MTSS1: variants seen among roughly 807,000 people sequenced by gnomAD.
The protein encoded by MTSS1 is protein MTSS 1.
MTSS1 carries 18 observed loss-of-function variants against 79.0 expected under a neutral mutation model. The ratio of observed to expected loss-of-function variants is 0.23; its 90% CI spans 0.16 to 0.34. The LOEUF is 0.34. Ranked by LOEUF, MTSS1 falls within the 10% of genes least tolerant of loss-of-function variation. The pLI is 1.00. For missense variants in MTSS1, 815 were observed against 986.2 expected (o/e 0.83, Z 2.33); for synonymous variants, 341 against 368.6 (o/e 0.93, Z 0.86).
intron 6 of MTSS1, among the ~76,000 whole-genome samples, chr8:124,568,999 A>G (rs1827174928): frequency 6.6e-6 from 1 of 152,208 alleles, no homozygotes; most frequent in Non-Finnish European, 1.5e-5. Context: ...GTCTGGATAG[A>G]AGGATCTGCT....
rs1056972893 is a variant in MTSS1 at position 124,665,697 on chromosome 8, G to A, written c.208+33829C>T. ...ATCCTGACCAACATGGAGAAACCCC[G>A]TCTCTACTAAAAATACAAAATTAGC... On this transcript the variant is annotated intron_variant, in intron 3 of 13. Transcript: ENST00000518547. Among the ~76,000 whole-genome samples the A allele has an allele frequency of 3.3e-5, 5 of 152,160 alleles. No individual in the cohort carries two copies. In the East Asian group the frequency reaches 5.8e-4, roughly 18 times the overall value.
chr8:124,639,116 CACTAGAGGT>C (rs1202591989), intron 3 of MTSS1, among the ~76,000 whole-genome samples: 1 of 152,192 alleles, frequency 6.6e-6, no homozygotes, highest in Non-Finnish European at 1.5e-5. Flanking sequence ...GCAGGCGGAT[CACTAGAGGT>C]CAGGAGTTCC....
At chr8:124,567,516 T>G in intron 7 of MTSS1, 1 of 977,896 alleles carries the variant, frequency 1.0e-6, no homozygotes, top group Non-Finnish European at 1.4e-6. Flanking sequence ...CTTCATACTG[T>G]GGCCCTTTTC....
At chr8:124,688,281 A>G (rs1003945636) in intron 3 of MTSS1, among the ~76,000 whole-genome samples, 6 of 151,148 alleles carry the variant, frequency 4.0e-5, no homozygotes, top group African/African-American at 1.5e-4. Flanking sequence ...GTGTGTATAT[A>G]TGTGTGTACG....
intron 8 of MTSS1, 24 bp downstream of exon 8, chr8:124,567,047 A>T (rs376083395): frequency 9.0e-6 from 14 of 1,559,282 alleles, no homozygotes; most frequent in Non-Finnish European, 1.2e-5. Context: ...TTGATCCTGT[A>T]AGTGCTTAAC....
At chr8:124,632,391 A>G (rs972579410) in intron 3 of MTSS1, among the ~76,000 whole-genome samples, 1 of 151,068 alleles carries the variant, frequency 6.6e-6, no homozygotes, top group Admixed American at 6.6e-5. Context: ...GCTCACACCT[A>G]TAATTCCAGT....
At chr8:124,691,731 GT>G (rs1443084767) in intron 3 of MTSS1, among the ~76,000 whole-genome samples, 1 of 152,144 alleles carries the variant, frequency 6.6e-6, no homozygotes. Context: ...GGCCAGGCTG[GT>G]CTCGAACTGC....
intron 3 of MTSS1, among the ~76,000 whole-genome samples, chr8:124,650,539 G>T (rs561906555): frequency 1.3e-5 from 2 of 152,202 alleles, no homozygotes; most frequent in African/African-American, 4.8e-5. Context: ...CCTTCTCTCC[G>T]ATCCTTCCAT....
intron 1 of MTSS1, among the ~76,000 whole-genome samples, chr8:124,716,877 G>A (rs1002447519): frequency 6.6e-5 from 10 of 151,914 alleles, no homozygotes; most frequent in African/African-American, 2.4e-4. Context: ...TGGGTAATGG[G>A]TTTCAAAAGC....
intron 3 of MTSS1, among the ~76,000 whole-genome samples, chr8:124,668,158 G>A (rs947943430): frequency 2.6e-5 from 4 of 152,272 alleles, no homozygotes; most frequent in African/African-American, 4.8e-5. Context: ...CAACAGGCCC[G>A]GCCAGCAACT....
At chr8:124,704,301 T>C in intron 1 of MTSS1, 110 bp from the exon 2 acceptor site, 1 of 967,990 alleles carries the variant, frequency 1.0e-6, no homozygotes, top group South Asian at 1.3e-5. Flanking sequence ...GTATGTTCTC[T>C]TCCTTTGCAG....
rs563278888 is a variant in MTSS1, at chr8:124,606,095, C to G, written c.209-14860G>C. Among the ~76,000 whole-genome samples the G allele has an allele frequency of 2.0e-5, 3 of 151,204 alleles. No individual in the cohort carries two copies. The South Asian group carries it at 6.3e-4, about 32-fold the overall frequency. ...GGTTCAAGAGATTCTTGTGCCTCAG[C>G]CTCCCAAGTAGCTGGGACTACAGGC... On this transcript the variant is annotated intron_variant, in intron 3 of 13. Coordinates refer to ENST00000518547, the MANE Select transcript of MTSS1 (RefSeq NM_014751.6).
Position 124,555,949 on chromosome 8 carries a change from G to T in MTSS1, c.1405-45C>A, listed in dbSNP as rs201460545. On this transcript the variant is annotated intron_variant, in intron 12 of 13. Coordinates refer to ENST00000518547, the MANE Select transcript of MTSS1 (RefSeq NM_014751.6). ...AATACACAGGTTGCTTTAGGGGGGG[G>T]GCTCAACAGCACTCCTGTTCTGCCC... 4.4e-4 allele frequency: 644 copies of T among 1,470,536 alleles called. 1 individual carries two copies. Among genetic ancestry groups the T allele is most frequent in the East Asian group, 6.2e-4 (27 of 43,636 alleles). The allele number at this position is 1,470,536 out of a possible 1,614,324, so 91.1% of individuals were successfully genotyped here.
Position 124,593,118 on chromosome 8 carries a change from A to AG in MTSS1, c.209-1884dup, listed in dbSNP as rs527974653. On this transcript the variant is annotated intron_variant, in intron 3 of 13. Transcript: ENST00000518547. Reference sequence around the variant, plus strand: ...TGTTCACACCAGGGAGAGCCAGCAGAGGGCGCCGTTTTCACACACTCTGCC... The same window carrying AG: ...TGTTCACACCAGGGAGAGCCAGCAGAGGGGCGCCGTTTTCACACACTCTGCC... Among the ~76,000 whole-genome samples the AG allele has an allele frequency of 3.5e-3, 532 of 152,360 alleles. 2 individuals carry two copies. Among genetic ancestry groups the AG allele is most frequent in the Middle Eastern group, 0.014 (4 of 294 alleles).
At chr8:124,599,402 G>C (rs1326824237) in intron 3 of MTSS1, among the ~76,000 whole-genome samples, 1 of 148,086 alleles carries the variant, frequency 6.8e-6, no homozygotes, top group Admixed American at 6.9e-5. Context: ...AGAATCACTT[G>C]AACCCGGGAG....
At chr8:124,677,112 A>G (rs942551450) in intron 3 of MTSS1, among the ~76,000 whole-genome samples, 1 of 152,142 alleles carries the variant, frequency 6.6e-6, no homozygotes, top group Admixed American at 6.5e-5. Context: ...ACGATCACCA[A>G]TTGTTCATTT....
intron 3 of MTSS1, among the ~76,000 whole-genome samples, chr8:124,665,286 T>C (rs1822848226): frequency 6.6e-6 from 1 of 152,238 alleles, no homozygotes; most frequent in Non-Finnish European, 1.5e-5. Flanking sequence ...CGATAATCTG[T>C]TCAGTGACTA....
intron 5 of MTSS1, among the ~76,000 whole-genome samples, chr8:124,589,325 C>G (rs1587037355): frequency 1.3e-5 from 2 of 152,324 alleles, no homozygotes; most frequent in East Asian, 3.9e-4. Context: ...GCCACCGCGC[C>G]CACCCTGTGA....
Position 124,663,957 on chromosome 8 carries a change from C to T in MTSS1, c.208+35569G>A, listed in dbSNP as rs142238104. 1.0e-3 allele frequency among the ~76,000 whole-genome samples: 157 copies of T among 152,256 alleles called. 2 individuals carry two copies. Among genetic ancestry groups the T allele is most frequent in the East Asian group, 5.4e-3 (28 of 5,178 alleles). On this transcript the variant is annotated intron_variant, in intron 3 of 13. Transcript: ENST00000518547. ...ACACCTCAGTTCGAGTCTAAAAACC[C>T]GGGATGGACTGGTGCTGGCCCAGTG...
Sources: gnomAD v4.1 joint callset for allele counts (sites outside exome capture counted in the v4.1 genomes callset) on GRCh38, gnomAD v4.1.1 for gene constraint, MANE v1.5 for transcripts, NCBI Gene and HGNC (gene_info 2026-07-23, HGNC 2026-07-21) for gene names.